ACSM3: variants seen among roughly 807,000 people sequenced by gnomAD.
The protein encoded by ACSM3 is acyl-CoA synthetase medium chain family member 3.
ACSM3 carries 61 observed loss-of-function variants against 74.1 expected under a neutral mutation model. That is an observed-to-expected ratio of 0.82 (90% CI 0.67 to 1.02). ACSM3 has a LOEUF of 1.02. ACSM3 is among the 50% of genes least tolerant of loss of function. The pLI is 0.00. For missense variants in ACSM3, 660 were observed against 697.0 expected (o/e 0.95, Z 0.60); for synonymous variants, 213 against 241.5 (o/e 0.88, Z 1.09).
chr16:20,725,262 G>A (rs573874151), intron 1 of ACSM3: 2 of 165,954 alleles, frequency 1.2e-5, no homozygotes, highest in South Asian at 3.7e-4. Flanking sequence ...CACGGGATGG[G>A]CACATGTTAA....
chr16:20,705,433 T>C (rs935108214), intron 1 of ACSM3, among the ~76,000 whole-genome samples: 1 of 150,712 alleles, frequency 6.6e-6, no homozygotes, highest in Non-Finnish European at 1.5e-5. Flanking sequence ...AAAAATAAAT[T>C]AGGAAAAGTC....
chr16:20,732,755 C>A (rs1264138319), intron 1 of ACSM3, among the ~76,000 whole-genome samples: 1 of 152,148 alleles, frequency 6.6e-6, no homozygotes, highest in East Asian at 1.9e-4. Context: ...ACAAACAGAA[C>A]AGTTTCTGGT....
chr16:20,678,836 T>G (rs1433585152), intron 1 of ACSM3, among the ~76,000 whole-genome samples: 2 of 152,228 alleles, frequency 1.3e-5, no homozygotes, highest in Non-Finnish European at 2.9e-5. Flanking sequence ...GGATCAGGTC[T>G]TGCCCATGGT....
At chr16:20,713,325 T>G (rs527911491) in intron 1 of ACSM3, among the ~76,000 whole-genome samples, 1 of 152,306 alleles carries the variant, frequency 6.6e-6, no homozygotes, top group South Asian at 2.1e-4. Flanking sequence ...CATTCAACAG[T>G]AGTGATTCCT....
At chr16:20,694,116 A>G (rs2079677339) in intron 1 of ACSM3, among the ~76,000 whole-genome samples, 1 of 152,244 alleles carries the variant, frequency 6.6e-6, no homozygotes, top group Non-Finnish European at 1.5e-5. Context: ...AATCTTTCTC[A>G]GCATTTCACG....
intron 1 of ACSM3, chr16:20,736,989 T>G: frequency 6.2e-7 from 1 of 1,614,158 alleles, no homozygotes; most frequent in Non-Finnish European, 8.5e-7. Flanking sequence ...TGGTTTTGTC[T>G]GCCCCAGCTC....
chr16:20,791,927 G>GA (rs79083383), intron 10 of ACSM3, 75 bp from the exon 11 acceptor site: 170,019 of 1,170,274 alleles, frequency 0.15, 2 homozygotes, highest in Non-Finnish European at 0.16. Context: ...GACTGTCTCG[G>GA]AAAAAAAAAA....
intron 4 of ACSM3, 37 bp from the exon 5 acceptor site, chr16:20,780,677 T>G (rs2080332084): frequency 6.2e-7 from 1 of 1,614,218 alleles, no homozygotes; most frequent in African/African-American, 1.3e-5. Context: ...TGTGATGCTG[T>G]GTTTAACATG....
intron 4 of ACSM3, among the ~76,000 whole-genome samples, chr16:20,777,806 T>C (rs1206915774): frequency 6.6e-6 from 1 of 152,108 alleles, no homozygotes; most frequent in East Asian, 1.9e-4. Context: ...GTATAGGAAG[T>C]TTATTAAGGA....
intron 1 of ACSM3, among the ~76,000 whole-genome samples, chr16:20,740,791 G>C (rs1418346944): frequency 6.6e-6 from 1 of 152,186 alleles, no homozygotes; most frequent in Non-Finnish European, 1.5e-5. Context: ...ATTGGTAAAA[G>C]TTTTTACGTT....
At chr16:20,781,809 G>A (rs2080359590) in intron 7 of ACSM3, 22 bp downstream of exon 7, 4 of 1,540,448 alleles carry the variant, frequency 2.6e-6, no homozygotes, top group Non-Finnish European at 3.6e-6. Flanking sequence ...TAGTAAATAG[G>A]CATCTAGTGG....
intron 1 of ACSM3, chr16:20,741,977 T>C: frequency 6.6e-7 from 1 of 1,523,544 alleles, no homozygotes. Flanking sequence ...CTGAATCCAG[T>C]AGAGGCAGCA....
At chr16:20,739,336 C>T (rs1470959474) in intron 1 of ACSM3, among the ~76,000 whole-genome samples, 1 of 151,978 alleles carries the variant, frequency 6.6e-6, no homozygotes, top group African/African-American at 2.4e-5. Flanking sequence ...CCACTACACA[C>T]AGCTAATTTT....
intron 1 of ACSM3, among the ~76,000 whole-genome samples, chr16:20,717,903 G>GAA (rs2079768413): frequency 7.9e-6 from 1 of 126,366 alleles, no homozygotes; most frequent in East Asian, 3.3e-4. Context: ...AGGAGAAGGA[G>GAA]GAAAAAAAGA....
chr16:20,764,289 A>G lies in ACSM3; in HGVS notation c.-52+164A>G, dbSNP rs114311082. Among the ~76,000 whole-genome samples the G allele has an allele frequency of 5.2e-3, 793 of 152,352 alleles. 6 individuals are homozygous for G. The highest frequency in any genetic ancestry group is 0.018 in the African/African-American group (741 of 41,584). On this transcript the variant is annotated intron_variant, in intron 1 of 13. Coordinates refer to ENST00000289416, the MANE Select transcript of ACSM3 (RefSeq NM_005622.4). Reference sequence around the variant, plus strand: ...CAGAATTTCTCAGTTGTGTGATACTATCTATTAAGTGATGAGGAGTATGCA... The same window carrying G: ...CAGAATTTCTCAGTTGTGTGATACTGTCTATTAAGTGATGAGGAGTATGCA...
chr16:20,686,651 T>C (rs1232708216), intron 1 of ACSM3, among the ~76,000 whole-genome samples: 3 of 151,674 alleles, frequency 2.0e-5, no homozygotes, highest in Admixed American at 6.6e-5. Context: ...AATAAATAAA[T>C]AAAAGCTAAA....
intron 1 of ACSM3, among the ~76,000 whole-genome samples, chr16:20,675,537 G>A (rs2020224066): frequency 6.6e-6 from 1 of 152,204 alleles, no homozygotes; most frequent in African/African-American, 2.4e-5. Flanking sequence ...GAGGAAATGG[G>A]AGGAAAAGCA....
intron 1 of ACSM3, chr16:20,734,274 G>C (rs937927768): frequency 1.3e-5 from 2 of 152,586 alleles, no homozygotes; most frequent in African/African-American, 4.8e-5. Context: ...TATCAAAATA[G>C]AATCTTTGTC....
intron 1 of ACSM3, chr16:20,674,880 G>C (rs936593740): frequency 2.0e-5 from 3 of 152,236 alleles, no homozygotes; most frequent in Non-Finnish European, 4.4e-5. Flanking sequence ...AGGTGAGCTT[G>C]ATCACCTCCC....
Sources: gnomAD v4.1 joint callset for allele counts (sites outside exome capture counted in the v4.1 genomes callset) on GRCh38, gnomAD v4.1.1 for gene constraint, MANE v1.5 for transcripts, NCBI Gene and HGNC (gene_info 2026-07-23, HGNC 2026-07-21) for gene names.